The following PACRG variants were observed in gnomAD, a reference collection of about 807,000 sequenced individuals.
The protein encoded by PACRG is parkin coregulated gene protein.
In PACRG, 29 loss-of-function variants were observed where a neutral mutation model predicts 29.7. That is an observed-to-expected ratio of 0.98 (90% CI 0.73 to 1.33). The LOEUF (loss-of-function observed/expected upper bound fraction) is 1.33. Among genes scored for constraint, PACRG ranks in the 40% most tolerant of loss-of-function variants. The probability of loss-of-function intolerance (pLI) is 0.00; values close to 1 mark genes in which losing one functional copy is unlikely to be tolerated. For synonymous variants in PACRG, 116 were observed against 118.7 expected (o/e 0.98, Z 0.15); for missense variants, 279 against 316.2 (o/e 0.88, Z 0.89).
chr6:163,048,997 T>C (rs532302), intron 2 of PACRG, among the ~76,000 whole-genome samples: 63,276 of 151,382 alleles, frequency 0.42, 14,369 homozygotes, highest in East Asian at 0.7. Flanking sequence ...TGTAGGTCCA[T>C]TGAGTCAAAC....
chr6:163,123,949 G>A (rs1451042072), intron 4 of PACRG, among the ~76,000 whole-genome samples: 1 of 152,220 alleles, frequency 6.6e-6, no homozygotes, highest in African/African-American at 2.4e-5. Flanking sequence ...GGGAACATGG[G>A]AGTGCAGATG....
intron 4 of PACRG, among the ~76,000 whole-genome samples, chr6:163,305,622 C>A (rs1390583363): frequency 6.6e-6 from 1 of 152,132 alleles, no homozygotes; most frequent in Non-Finnish European, 1.5e-5. Context: ...CTAGACTTTG[C>A]CCATACTGAC....
intron 2 of PACRG, among the ~76,000 whole-genome samples, chr6:162,859,123 T>C (rs1791645076): frequency 6.6e-6 from 1 of 152,192 alleles, no homozygotes; most frequent in Admixed American, 6.5e-5. Flanking sequence ...TGCCTCTCTA[T>C]CATTTTTTTT....
At chr6:163,218,135 C>T (rs1351094084) in intron 4 of PACRG, among the ~76,000 whole-genome samples, 1 of 152,076 alleles carries the variant, frequency 6.6e-6, no homozygotes, top group East Asian at 1.9e-4. Context: ...TTCCTCTTCT[C>T]CAAAAGAAAA....
intron 4 of PACRG, among the ~76,000 whole-genome samples, chr6:163,196,960 T>TAGATAGATAGACAGAC (rs1554384781): frequency 6.7e-6 from 1 of 149,262 alleles, no homozygotes; most frequent in African/African-American, 2.5e-5. Context: ...GATAGATAGA[T>TAGATAGATAGACAGAC]AGATAGATAG....
In PACRG at chr6:162,915,018, T is replaced by C. The variant is rs145967955; in HGVS notation, c.291+100737T>C. Among the ~76,000 whole-genome samples the C allele has an allele frequency of 1.4e-4, 21 of 152,126 alleles. No homozygotes were observed. The East Asian group carries it at 3.9e-3, about 28-fold the overall frequency. ...CATCCTTTCTGATCCTTTTGCCTTA[T>C]ATTTAACTTTTTTTAACTTTAGTAA... On this transcript the variant is annotated intron_variant, in intron 2 of 4. Transcript: ENST00000366888.
intron 2 of PACRG, among the ~76,000 whole-genome samples, chr6:162,986,187 A>G (rs1802871721): frequency 6.6e-6 from 1 of 152,074 alleles, no homozygotes; most frequent in Admixed American, 6.6e-5. Context: ...TACCACCATC[A>G]TTCTTTACAG....
chr6:163,285,560 G>A (rs576449012), intron 4 of PACRG, among the ~76,000 whole-genome samples: 2 of 152,310 alleles, frequency 1.3e-5, no homozygotes, highest in African/African-American at 2.4e-5. Context: ...ACATCATGGC[G>A]GGAGAAGCCA....
intron 4 of PACRG, among the ~76,000 whole-genome samples, chr6:163,286,155 G>C (rs1784395042): frequency 6.6e-6 from 1 of 152,152 alleles, no homozygotes; most frequent in Non-Finnish European, 1.5e-5. Flanking sequence ...TTTTGGAATG[G>C]ATGGGAGTTT....
At chr6:163,231,492 C>T (rs968166348) in intron 4 of PACRG, among the ~76,000 whole-genome samples, 2 of 152,128 alleles carry the variant, frequency 1.3e-5, no homozygotes, top group Non-Finnish European at 2.9e-5. Flanking sequence ...AGTGACATGC[C>T]GGGTTGTCAC....
At chr6:163,214,475 A>G (rs903775456) in intron 4 of PACRG, among the ~76,000 whole-genome samples, 4 of 152,114 alleles carry the variant, frequency 2.6e-5, no homozygotes, top group Non-Finnish European at 5.9e-5. Flanking sequence ...GTATGACATC[A>G]TTAAGCCTTC....
intron 2 of PACRG, among the ~76,000 whole-genome samples, chr6:162,939,640 T>C (rs543326680): frequency 5.3e-5 from 8 of 151,512 alleles, no homozygotes; most frequent in East Asian, 2.0e-4. Context: ...GTTCTCCTTA[T>C]TCCTTTTCCA....
chr6:163,157,447 C>T (rs936061984), intron 4 of PACRG, among the ~76,000 whole-genome samples: 5 of 152,254 alleles, frequency 3.3e-5, no homozygotes, highest in African/African-American at 7.2e-5. Context: ...ACCTCTCCCT[C>T]TTCATTGCAC....
chr6:163,180,584 G>A (rs954336511), intron 4 of PACRG, among the ~76,000 whole-genome samples: 1 of 151,894 alleles, frequency 6.6e-6, no homozygotes, highest in African/African-American at 2.4e-5. Flanking sequence ...CTATGATTAC[G>A]CCACTGTACT....
intron 1 of PACRG, among the ~76,000 whole-genome samples, chr6:162,768,388 G>A (rs1003024858): frequency 2.6e-5 from 4 of 151,710 alleles, no homozygotes; most frequent in African/African-American, 4.8e-5. Flanking sequence ...AATTTCCTCT[G>A]AGTCTTTTTT....
At chr6:163,140,942 C>T (rs142836143) in intron 4 of PACRG, among the ~76,000 whole-genome samples, 11 of 152,230 alleles carry the variant, frequency 7.2e-5, no homozygotes, top group African/African-American at 2.6e-4. Context: ...ATGGGAGAGA[C>T]GAATGAGCTG....
At position 163,108,727 on chromosome 6, in the gene PACRG, T is replaced by G. The variant is rs886262889; in HGVS notation, c.613+19319T>G. Among the ~76,000 whole-genome samples the G allele has an allele frequency of 2.0e-5, 3 of 152,162 alleles. No individual in the cohort carries two copies. The South Asian group carries it at 6.2e-4, about 32-fold the overall frequency. ...TTACAAATTACGCAGTCTTGGGTAGTTCTTCATATTAAGTTGTTGCGCCAA... is the reference window on the plus strand; with the variant it reads ...TTACAAATTACGCAGTCTTGGGTAGGTCTTCATATTAAGTTGTTGCGCCAA... On this transcript the variant is annotated intron_variant, in intron 4 of 4. Transcript: ENST00000366888.
chr6:162,749,136 T>C lies in PACRG; in HGVS notation c.156+20745T>C, dbSNP rs1472871546. Among the ~76,000 whole-genome samples the C allele has an allele frequency of 2.0e-5, 3 of 152,244 alleles. No homozygotes were observed. The East Asian group carries it at 5.8e-4, about 29-fold the overall frequency. On this transcript the variant is annotated intron_variant, in intron 1 of 4. Coordinates refer to ENST00000366888, the MANE Select transcript of PACRG (RefSeq NM_001080379.2). ...TTTTATTGCTGGAAAGGATTCCATTTATATGGATATAGCATACTTTGTTTA... is the reference window on the plus strand; with the variant it reads ...TTTTATTGCTGGAAAGGATTCCATTCATATGGATATAGCATACTTTGTTTA...
chr6:162,739,642 G>C (rs1244603601), intron 1 of PACRG, among the ~76,000 whole-genome samples: 1 of 151,974 alleles, frequency 6.6e-6, no homozygotes, highest in East Asian at 1.9e-4. Context: ...AGGAGATTGA[G>C]ACCATCCCGG....
Sources: allele counts gnomAD v4.1 joint callset (sites outside exome capture counted in the v4.1 genomes callset), GRCh38; gene constraint gnomAD v4.1.1; transcripts MANE v1.5; gene names NCBI Gene and HGNC (gene_info 2026-07-23, HGNC 2026-07-21).